Variants in HOXB3 observed in about 807,000 individuals in gnomAD.
HOXB3 encodes the protein homeobox B3, also known as homeobox protein Hox-B3.
A neutral mutation model predicts 29.2 loss-of-function variants in HOXB3; 17 were observed. The observed-to-expected ratio is 0.58, with a 90% CI of 0.40 to 0.87. The LOEUF (loss-of-function observed/expected upper bound fraction) is 0.87. HOXB3 is among the 40% of genes least tolerant of loss of function. The probability of loss-of-function intolerance (pLI) is 0.00; values close to 1 mark genes in which losing one functional copy is unlikely to be tolerated. For missense variants in HOXB3, 637 were observed against 616.3 expected (o/e 1.03, Z -0.35); for synonymous variants, 317 against 285.9 (o/e 1.11, Z -1.10).
In HOXB3 at chr17:48,582,441, C is replaced by CT. The variant is rs889556884; in HGVS notation, c.-425+7683dup. ...GGCTCCCTCAGAAGCCGGAACGTGA[C>CT]TTTTTTTTTTGGTGTGTTTTTGTTT... On this transcript the variant is annotated intron_variant, in intron 1 of 4. Coordinates refer to ENST00000498678, the MANE Select transcript of HOXB3 (RefSeq NM_001384749.1). 3.7e-3 allele frequency: 550 copies of CT among 149,504 alleles called. 4 individuals carry two copies. Among genetic ancestry groups the CT allele is most frequent in the Middle Eastern group, 6.8e-3 (2 of 294 alleles). 9.3% of individuals were successfully genotyped at this position (149,504 alleles called of 1,614,324 possible). A position where few individuals can be genotyped will look rare whatever the true frequency, so the allele number is the denominator to read the frequency against.
chr17:48,564,848 G>C (rs1027613881), intron 2 of HOXB3, among the ~76,000 whole-genome samples: 1 of 152,222 alleles, frequency 6.6e-6, no homozygotes, highest in Non-Finnish European at 1.5e-5. Context: ...GGGGGCAATA[G>C]GAAGGATCAG....
chr17:48,583,761 G>T (rs184636763), intron 1 of HOXB3, among the ~76,000 whole-genome samples: 28 of 152,342 alleles, frequency 1.8e-4, no homozygotes, highest in African/African-American at 6.3e-4. Flanking sequence ...TTTGACATCT[G>T]TCTCTTCAGG....
chr17:48,550,735 G>C lies in HOXB3; in HGVS notation c.895C>G (p.Gln299Glu). The C allele has an allele frequency of 6.3e-7, 1 of 1,580,506 alleles. No individual in the cohort carries two copies. The highest frequency in any genetic ancestry group is 1.2e-5 in the South Asian group (1 of 86,002). Residue 299 changes from glutamine (Q) to glutamate (E), a missense_variant, in exon 5 of 5, where the codon CAG (glutamine) becomes GAG (glutamate). By Grantham distance (29) the Gln-to-Glu change is conservative (BLOSUM62 2). Transcript: ENST00000498678. ...PSPPAFGKAH[Q>E]NAYALPSNYQ... ...TTGGAGGGCAGCGCGTAGGCATTCT[G>C]GTGGGCTTTACCGAAGGCGGGTGGG...
At chr17:48,551,950 G>A (rs62066694) in intron 4 of HOXB3, 77 bp downstream of exon 4, 10 of 1,416,844 alleles carry the variant, frequency 7.1e-6, no homozygotes, top group African/African-American at 1.4e-5. Flanking sequence ...CGGGCGCCTA[G>A]GGGCTGGGTG....
rs538490264 is a variant in HOXB3, at chr17:48,554,432, A to C, written c.-159+1099T>G. 9 of 585,376 alleles carry C rather than the reference A, an allele frequency of 1.5e-5. No individual in the cohort carries two copies. The highest frequency in any genetic ancestry group is 2.7e-5 in the Non-Finnish European group (9 of 328,448). 36.3% of individuals were successfully genotyped at this position (585,376 alleles called of 1,614,324 possible). On this transcript the variant is annotated intron_variant, in intron 3 of 4. Coordinates refer to ENST00000498678, the MANE Select transcript of HOXB3 (RefSeq NM_001384749.1). The surrounding 1 kb of genome is among the most constrained non-coding windows in gnomAD (Gnocchi z 4.1). ...TGCCGCTCCCCTTGCAATAAACCCC[A>C]AACCATCGCGGGACGGAGGCCAGGC...
rs960219799 is a variant in HOXB3, at chr17:48,550,171, C to T, written c.*163G>A. 2.3e-6 allele frequency: 2 copies of T among 874,336 alleles called. No individual in the cohort carries two copies. Among genetic ancestry groups the T allele is most frequent in the South Asian group, 1.8e-5 (1 of 56,156 alleles). The allele number at this position is 874,336 out of a possible 1,614,324, so 54.2% of individuals were successfully genotyped here. ...CAAGGGGTGGAAGACTTAAAAGCAA[C>T]CTCTCAGGCCAGGGGGAAGGGAAGG... On this transcript the variant is annotated 3_prime_UTR_variant, in exon 5 of 5. Coordinates refer to ENST00000498678, the MANE Select transcript of HOXB3 (RefSeq NM_001384749.1).
chr17:48,573,838 T>G lies in HOXB3; in HGVS notation c.-248A>C. On this transcript the variant is annotated splice_region_variant and 5_prime_UTR_variant, in exon 2 of 5. Transcript: ENST00000498678. ...CAGCCCGGGCCCGGGCTTTGTTACC[T>G]TTGCGCCTCTCGCCTCCTCTCGCCC... The G allele has an allele frequency of 1.4e-6, 1 of 702,244 alleles. No individual in the cohort carries two copies. 43.5% of individuals were successfully genotyped at this position (702,244 alleles called of 1,614,324 possible).
At chr17:48,555,696 A>ACCCC in intron 2 of HOXB3, 78 bp from the exon 3 acceptor site, 2 of 487,536 alleles carry the variant, frequency 4.1e-6, no homozygotes, top group East Asian at 4.1e-5. Flanking sequence ...CCGCAAAGCC[A>ACCCC]CCCCGGCTGG....
intron 2 of HOXB3, among the ~76,000 whole-genome samples, chr17:48,573,129 C>T (rs965510166): frequency 6.6e-5 from 10 of 152,086 alleles, no homozygotes; most frequent in Admixed American, 3.9e-4. Context: ...AAAGGGAAAC[C>T]AAACCAAACC....
At chr17:48,569,131 C>T (rs2069496472) in intron 2 of HOXB3, among the ~76,000 whole-genome samples, 2 of 151,496 alleles carry the variant, frequency 1.3e-5, no homozygotes, top group Admixed American at 6.6e-5. Context: ...ACGTCAGAAA[C>T]AGGGAGACCG....
chr17:48,549,638 T>TA lies in HOXB3; in HGVS notation c.*695dup, dbSNP rs202201121. On this transcript the variant is annotated 3_prime_UTR_variant, in exon 5 of 5. Transcript: ENST00000498678. ...CTGCCCTAGCCTCCACACTTTTCCT[T>TA]AAAAAAAAATGTATATAATTTATAA... 9,570 of 151,496 alleles carry TA rather than the reference T, an allele frequency of 0.063. 339 individuals are homozygous for TA. Among genetic ancestry groups the TA allele is most frequent in the Non-Finnish European group, 0.075 (5,078 of 67,726 alleles). The allele number at this position is 151,496 out of a possible 1,614,324, so 9.4% of individuals were successfully genotyped here.
chr17:48,585,907 G>C (rs1020314138), intron 1 of HOXB3, among the ~76,000 whole-genome samples: 4 of 152,126 alleles, frequency 2.6e-5, no homozygotes, highest in African/African-American at 9.7e-5. Flanking sequence ...ACTGGCCTGG[G>C]TCATCTTTTG....
At position 48,578,332 on chromosome 17, in the gene HOXB3, A is replaced by G. The variant is rs775292073; in HGVS notation, c.-424-4318T>C. ...AACTCATAGCCATTAATTTCTGGGAATTGCCCACAAAATATACTAAAATTT... is the reference window on the plus strand; with the variant it reads ...AACTCATAGCCATTAATTTCTGGGAGTTGCCCACAAAATATACTAAAATTT... On this transcript the variant is annotated intron_variant, in intron 1 of 4. Coordinates refer to ENST00000498678, the MANE Select transcript of HOXB3 (RefSeq NM_001384749.1). 17 of 1,602,116 alleles carry G rather than the reference A, an allele frequency of 1.1e-5. No homozygotes were observed. The African/African-American group carries it at 2.2e-4, about 20-fold the overall frequency.
At chr17:48,563,930 G>A (rs1336191677) in intron 2 of HOXB3, among the ~76,000 whole-genome samples, 1 of 151,474 alleles carries the variant, frequency 6.6e-6, no homozygotes, top group Non-Finnish European at 1.5e-5. Context: ...AACCCTCCTG[G>A]GCCTCAACGC....
At chr17:48,573,355 T>G (rs927200944) in intron 2 of HOXB3, among the ~76,000 whole-genome samples, 2 of 152,136 alleles carry the variant, frequency 1.3e-5, no homozygotes, top group Admixed American at 6.5e-5. Flanking sequence ...AGCACTGGAT[T>G]TGATTTTTCC....
chr17:48,568,525 C>T (rs919121661), intron 2 of HOXB3, among the ~76,000 whole-genome samples: 4 of 152,072 alleles, frequency 2.6e-5, no homozygotes, highest in Admixed American at 1.3e-4. Flanking sequence ...GACTCTCTCC[C>T]GGCCGGCCGC....
At chr17:48,564,356 G>GCAGCAACCCC (rs1266791718) in intron 2 of HOXB3, among the ~76,000 whole-genome samples, 2 of 151,930 alleles carry the variant, frequency 1.3e-5, no homozygotes, top group East Asian at 1.9e-4. Flanking sequence ...CGCTCAACCC[G>GCAGCAACCCC]CAGCAACCCC....
At position 48,550,005 on chromosome 17, in the gene HOXB3, T is replaced by C; in HGVS notation, c.*329A>G. On this transcript the variant is annotated 3_prime_UTR_variant, in exon 5 of 5. Coordinates refer to ENST00000498678, the MANE Select transcript of HOXB3 (RefSeq NM_001384749.1). ...TTGTCTGGTTTTTAAAATGTGCTTT[T>C]CTGCCTCGTCCTGTCTCGTCTTCCT... The C allele has an allele frequency of 3.9e-6, 1 of 255,636 alleles. No individual in the cohort carries two copies. Among genetic ancestry groups the C allele is most frequent in the Non-Finnish European group, 7.5e-6 (1 of 133,430 alleles). The allele number at this position is 255,636 out of a possible 1,614,324, so 15.8% of individuals were successfully genotyped here.
chr17:48,588,899 G>C (rs1012252504), intron 1 of HOXB3, among the ~76,000 whole-genome samples: 7 of 152,198 alleles, frequency 4.6e-5, no homozygotes, highest in African/African-American at 1.7e-4. Context: ...CCCCATCCTT[G>C]TCCCAAAGAT....
Sources: gnomAD v4.1 joint callset for allele counts (sites outside exome capture counted in the v4.1 genomes callset) on GRCh38, gnomAD v4.1.1 for gene constraint, Gnocchi (gnomAD v3.1) non-coding constraint, MANE v1.5 for transcripts, NCBI Gene and HGNC (gene_info 2026-07-23, HGNC 2026-07-21) for gene names.